The following CEP135 variants were observed in gnomAD, a reference collection of about 807,000 sequenced individuals.
The protein encoded by CEP135 is centrosomal protein of 135 kDa.
Under a neutral mutation model 157.3 loss-of-function variants are expected in CEP135, and 142 were observed. That is an observed-to-expected ratio of 0.90 (90% CI 0.79 to 1.04). CEP135 has a LOEUF of 1.04. Among genes scored for constraint, CEP135 ranks in the 50% least tolerant of loss-of-function variants. CEP135 has a pLI of 0.00. For synonymous variants in CEP135, 396 were observed against 439.8 expected, an observed-to-expected ratio of 0.90 and a Z score of 1.25; for missense variants, 1,317 against 1,309.2, an observed-to-expected ratio of 1.01 and a Z score of -0.09.
chr4:56,027,940 C>T (rs1227540668), intron 25 of CEP135, among the ~76,000 whole-genome samples: 1 of 152,152 alleles, frequency 6.6e-6, no homozygotes, highest in East Asian at 1.9e-4. Flanking sequence ...CAGACCTTAA[C>T]CTTCCCAGCT....
At chr4:55,956,512 G>A (rs924585811) in intron 4 of CEP135, among the ~76,000 whole-genome samples, 4 of 151,904 alleles carry the variant, frequency 2.6e-5, no homozygotes, top group African/African-American at 9.7e-5. Context: ...TATCTTTTAT[G>A]TTGATATTAG....
intron 15 of CEP135, among the ~76,000 whole-genome samples, chr4:55,993,841 T>C (rs1729875918): frequency 6.6e-6 from 1 of 152,218 alleles, no homozygotes; most frequent in South Asian, 2.1e-4. Context: ...ACTAATATCC[T>C]TTTCTCTTAT....
At chr4:56,022,039 A>C (rs1482345829) in intron 24 of CEP135, among the ~76,000 whole-genome samples, 2 of 152,172 alleles carry the variant, frequency 1.3e-5, no homozygotes, top group Non-Finnish European at 2.9e-5. Flanking sequence ...AAAAACAAAC[A>C]AACCAACAAA....
chr4:56,006,108 C>G (rs1730338879), intron 17 of CEP135, among the ~76,000 whole-genome samples: 1 of 152,156 alleles, frequency 6.6e-6, no homozygotes, highest in African/African-American at 2.4e-5. Flanking sequence ...CCTTCGTACA[C>G]CAGGAAATTT....
intron 5 of CEP135, among the ~76,000 whole-genome samples, chr4:55,958,537 G>C (rs185430581): frequency 1.1e-3 from 165 of 152,250 alleles, no homozygotes; most frequent in African/African-American, 3.9e-3. Context: ...GGGCTTTTCA[G>C]ATAATGTGTT....
chr4:55,992,583 T>C (rs1251426801), intron 15 of CEP135, among the ~76,000 whole-genome samples: 2 of 152,160 alleles, frequency 1.3e-5, no homozygotes, highest in African/African-American at 4.8e-5. Context: ...TAGTGTTCCT[T>C]TTAGGAAGCT....
Position 56,019,421 on chromosome 4 carries a change from A to G in CEP135, c.3081A>G (p.Arg1027=), listed in dbSNP as rs781606353. Residue 1027 remains arginine (R), a synonymous_variant, in exon 23 of 26, where the codon AGA becomes AGG. Transcript: ENST00000257287. ...DLLKKQLSNE[R]HTVKNLESLL... ...TGAAAAAACAACTTTCAAATGAGAGACATACAGTTAAAAACCTCGAATCAT... is the reference window on the plus strand; with the variant it reads ...TGAAAAAACAACTTTCAAATGAGAGGCATACAGTTAAAAACCTCGAATCAT... 1.2e-6 allele frequency: 2 copies of G among 1,614,026 alleles called. No individual in the cohort carries two copies. Among genetic ancestry groups the G allele is most frequent in the Admixed American group, 1.7e-5 (1 of 60,014 alleles).
At chr4:55,953,016 G>T (rs1728405752) in intron 2 of CEP135, 69 bp from the exon 3 acceptor site, 2 of 1,322,440 alleles carry the variant, frequency 1.5e-6, no homozygotes, top group Non-Finnish European at 1.0e-6. Context: ...AGCCTCTTTA[G>T]AAATATGTTT....
intron 1 of CEP135, among the ~76,000 whole-genome samples, chr4:55,950,762 T>G (rs1728339379): frequency 1.3e-5 from 2 of 151,934 alleles, no homozygotes; most frequent in South Asian, 4.1e-4. Flanking sequence ...TGTGTGTCTT[T>G]TTTTTTAATT....
intron 14 of CEP135, among the ~76,000 whole-genome samples, chr4:55,990,980 C>CT (rs35404437): frequency 1.4e-3 from 202 of 147,018 alleles, no homozygotes; most frequent in African/African-American, 2.3e-3. Context: ...ATTATAATAA[C>CT]TTTTTTTTTT....
At chr4:55,987,788 A>G (rs1560410990) in intron 14 of CEP135, among the ~76,000 whole-genome samples, 1 of 152,214 alleles carries the variant, frequency 6.6e-6, no homozygotes, top group Non-Finnish European at 1.5e-5. Flanking sequence ...AAATATTTTA[A>G]AAGTTAAAAT....
intron 22 of CEP135, among the ~76,000 whole-genome samples, chr4:56,018,524 G>A (rs533074529): frequency 6.6e-6 from 1 of 152,244 alleles, no homozygotes; most frequent in East Asian, 1.9e-4. Flanking sequence ...TTGGGAAGTC[G>A]AGTCAGGCAG....
Position 55,965,867 on chromosome 4 carries a change from A to G in CEP135, c.1044+8A>G. 1 of 1,601,544 alleles carries G rather than the reference A, an allele frequency of 6.2e-7. No homozygotes were observed. Among genetic ancestry groups the G allele is most frequent in the Non-Finnish European group, 8.5e-7 (1 of 1,169,636 alleles). Reference sequence around the variant, plus strand: ...GAGCTTGGGGAAGCAAAGGTAATGAATGATATGTGTAGATTGTGAGAGTGT... The same window carrying G: ...GAGCTTGGGGAAGCAAAGGTAATGAGTGATATGTGTAGATTGTGAGAGTGT... On this transcript the variant is annotated splice_region_variant and intron_variant, in intron 8 of 25. Transcript: ENST00000257287.
intron 10 of CEP135, 139 bp downstream of exon 10, chr4:55,971,547 T>G (rs1729028667): frequency 1.2e-6 from 1 of 809,466 alleles, no homozygotes; most frequent in Admixed American, 3.6e-5. Flanking sequence ...ACCATAGTAG[T>G]TACTGTAGAT....
chr4:55,965,948 G>A lies in CEP135; in HGVS notation c.1044+89G>A. ...GATCCCTTTTGATATCTGCATTCAGGTTTTTGGTTTATTTTGTGTGTCTGT... is the reference window on the plus strand; with the variant it reads ...GATCCCTTTTGATATCTGCATTCAGATTTTTGGTTTATTTTGTGTGTCTGT... On this transcript the variant is annotated intron_variant, in intron 8 of 25. Coordinates refer to ENST00000257287, the MANE Select transcript of CEP135 (RefSeq NM_025009.5). 9 of 1,144,606 alleles carry A rather than the reference G, an allele frequency of 7.9e-6. No homozygotes were observed. In the South Asian group the frequency reaches 1.1e-4, roughly 14 times the overall value. The allele number at this position is 1,144,606 out of a possible 1,614,324, so 70.9% of individuals were successfully genotyped here. A position where few individuals can be genotyped will look rare whatever the true frequency, so the allele number is the denominator to read the frequency against.
Position 55,954,314 on chromosome 4 carries a change from A to G in CEP135, c.403A>G (p.Ser135Gly), listed in dbSNP as rs1259911383. The G allele has an allele frequency of 1.2e-6, 2 of 1,611,790 alleles. No homozygotes were observed. The highest frequency in any genetic ancestry group is 2.2e-5 in the East Asian group (1 of 44,718). The stretch of plus-strand genomic sequence containing the variant: ...TAAACTCAAACTGTTGGAGAAAGAG[A>G]GCAAAGCTAAGAATGAAAGAATTCA... Reference protein sequence around the residue: ...AHKLKLLEKESKAKNERIQQL... With the variant: ...AHKLKLLEKEGKAKNERIQQL... The change falls in exon 4 of 26, where the codon AGC becomes GGC. Residue 135 changes from serine (S) to glycine (G), a missense_variant. Coordinates refer to ENST00000257287, the MANE Select transcript of CEP135 (RefSeq NM_025009.5).
At chr4:55,964,521 T>C (rs999385228) in intron 7 of CEP135, 119 bp downstream of exon 7, 5 of 715,638 alleles carry the variant, frequency 7.0e-6, no homozygotes, top group African/African-American at 3.6e-5. Flanking sequence ...TGAGGTATTA[T>C]TTGCAATGGG....
chr4:55,964,236 C>T, intron 6 of CEP135, 38 bp from the exon 7 acceptor site: 1 of 1,571,312 alleles, frequency 6.4e-7, no homozygotes, highest in African/African-American at 1.4e-5. Flanking sequence ...TGGTTGAAAA[C>T]CAGATTTTTT....
At chr4:56,010,403 A>C (rs77210503) in intron 19 of CEP135, among the ~76,000 whole-genome samples, 6 of 145,002 alleles carry the variant, frequency 4.1e-5, no homozygotes, top group Admixed American at 2.0e-4. Flanking sequence ...AGACTCTGTC[A>C]AAAAAAAAAC....
Sources: gnomAD v4.1 joint callset for allele counts (sites outside exome capture counted in the v4.1 genomes callset) on GRCh38, gnomAD v4.1.1 for gene constraint, MANE v1.5 for transcripts, NCBI Gene and HGNC (gene_info 2026-07-23, HGNC 2026-07-21) for gene names.